HS3ST3A1: variants seen among roughly 807,000 people sequenced by gnomAD.
HS3ST3A1 encodes heparan sulfate glucosamine 3-O-sulfotransferase 3A1.
In HS3ST3A1, 19 loss-of-function variants were observed where a neutral mutation model predicts 25.7. The ratio of observed to expected loss-of-function variants is 0.74; its 90% confidence interval spans 0.52 to 1.08. HS3ST3A1 has a LOEUF of 1.08. Ranked by LOEUF, HS3ST3A1 falls within the 50% of genes least tolerant of loss-of-function variation. HS3ST3A1 has a pLI of 0.00. For synonymous variants in HS3ST3A1, 226 were observed against 278.6 expected (o/e 0.81, Z 1.88); for missense variants, 459 against 594.3 (o/e 0.77, Z 2.37).
chr17:13,496,859 A>G (rs1905301197), intron 1 of HS3ST3A1, 41 bp from the exon 2 acceptor site: 2 of 1,590,826 alleles, frequency 1.3e-6, no homozygotes, highest in Non-Finnish European at 1.7e-6. Flanking sequence ...GTGCAGAGAG[A>G]GCTCAGTCCC....
chr17:13,554,843 C>G (rs1907329785), intron 1 of HS3ST3A1, among the ~76,000 whole-genome samples: 1 of 152,090 alleles, frequency 6.6e-6, no homozygotes, highest in Non-Finnish European at 1.5e-5. Context: ...AAGTCTAGTA[C>G]CTTATTATCT....
At position 13,557,085 on chromosome 17, in the gene HS3ST3A1, A is replaced by G. The variant is rs552630379; in HGVS notation, c.599+43446T>C. Reference sequence around the variant, plus strand: ...AACAAATGAGAACAACAAACTTCCAACAAACAAAAGGATACATACAAAGCA... The same window carrying G: ...AACAAATGAGAACAACAAACTTCCAGCAAACAAAAGGATACATACAAAGCA... On this transcript the variant is annotated intron_variant, in intron 1 of 1. Transcript: ENST00000284110. Among the ~76,000 whole-genome samples the G allele has an allele frequency of 2.0e-5, 3 of 152,304 alleles. No homozygotes were observed. In the East Asian group the frequency reaches 5.8e-4, roughly 29 times the overall value.
At chr17:13,571,058 A>G (rs1271870947) in intron 1 of HS3ST3A1, among the ~76,000 whole-genome samples, 1 of 152,208 alleles carries the variant, frequency 6.6e-6, no homozygotes, top group Non-Finnish European at 1.5e-5. Flanking sequence ...CAATTGTGCT[A>G]TCAGCCCATA....
At chr17:13,581,210 T>C (rs1908102838) in intron 1 of HS3ST3A1, among the ~76,000 whole-genome samples, 1 of 152,180 alleles carries the variant, frequency 6.6e-6, no homozygotes, top group African/African-American at 2.4e-5. Context: ...ATGTGCTATA[T>C]ACACATAATA....
intron 1 of HS3ST3A1, among the ~76,000 whole-genome samples, chr17:13,512,320 A>T (rs964485478): frequency 1.3e-5 from 2 of 151,020 alleles, no homozygotes; most frequent in Non-Finnish European, 2.9e-5. Context: ...AAAAAAAAAA[A>T]AAAAAAACTG....
chr17:13,566,835 T>C (rs1035404002), intron 1 of HS3ST3A1, among the ~76,000 whole-genome samples: 9 of 152,082 alleles, frequency 5.9e-5, no homozygotes, highest in African/African-American at 1.9e-4. Context: ...GTCTAGTTCA[T>C]GGGGTTTAAA....
At chr17:13,522,219 C>A in intron 1 of HS3ST3A1, among the ~76,000 whole-genome samples, 1 of 143,266 alleles carries the variant, frequency 7.0e-6, no homozygotes. Flanking sequence ...AGATAAATAA[C>A]ATGGATTATG....
At chr17:13,594,811 T>C (rs1403317119) in intron 1 of HS3ST3A1, among the ~76,000 whole-genome samples, 1 of 150,318 alleles carries the variant, frequency 6.7e-6, no homozygotes, top group Non-Finnish European at 1.5e-5. Flanking sequence ...AGACAGATCA[T>C]CTTGCTATAA....
chr17:13,574,189 AG>A (rs2142375792), intron 1 of HS3ST3A1, among the ~76,000 whole-genome samples: 1 of 147,430 alleles, frequency 6.8e-6, no homozygotes, highest in South Asian at 2.2e-4. Flanking sequence ...GCTGGAGTAC[AG>A]TGGCGCGATC....
chr17:13,578,393 C>CAAAAAAAAA (rs397960321), intron 1 of HS3ST3A1, among the ~76,000 whole-genome samples: 7 of 94,908 alleles, frequency 7.4e-5, no homozygotes, highest in Non-Finnish European at 1.3e-4. Flanking sequence ...TACAAAAATA[C>CAAAAAAAAA]AAAAAAAAAA....
chr17:13,571,438 G>A (rs1188156523), intron 1 of HS3ST3A1, among the ~76,000 whole-genome samples: 2 of 152,086 alleles, frequency 1.3e-5, no homozygotes, highest in African/African-American at 2.4e-5. Flanking sequence ...ACGCTTTGAC[G>A]ACTGCAGGAA....
At chr17:13,573,879 C>T (rs1160850016) in intron 1 of HS3ST3A1, among the ~76,000 whole-genome samples, 1 of 152,198 alleles carries the variant, frequency 6.6e-6, no homozygotes, top group Non-Finnish European at 1.5e-5. Context: ...TCTGCTCTCT[C>T]TGATATGTGA....
At chr17:13,572,370 C>G (rs770967000) in intron 1 of HS3ST3A1, among the ~76,000 whole-genome samples, 53 of 152,152 alleles carry the variant, frequency 3.5e-4, no homozygotes, top group Middle Eastern at 3.4e-3. Flanking sequence ...TCCTTTCCAT[C>G]CTAGGGGGTG....
rs180987826 is a variant in HS3ST3A1, at chr17:13,598,266, T to G, written c.599+2265A>C. ...TTAAGTGGCATTCTGGGTGGGAGATTTTTTTTTCATAGACGAGCCTTCAGT... is the reference window on the plus strand; with the variant it reads ...TTAAGTGGCATTCTGGGTGGGAGATGTTTTTTTCATAGACGAGCCTTCAGT... On this transcript the variant is annotated intron_variant, in intron 1 of 1. Transcript: ENST00000284110. Among the ~76,000 whole-genome samples, 607 of 152,106 alleles carry G rather than the reference T, an allele frequency of 4.0e-3. 5 individuals are homozygous for G. Among genetic ancestry groups the G allele is most frequent in the African/African-American group, 0.014 (583 of 41,522 alleles).
chr17:13,552,684 A>T (rs1907276365), intron 1 of HS3ST3A1, among the ~76,000 whole-genome samples: 2 of 152,184 alleles, frequency 1.3e-5, no homozygotes, highest in South Asian at 4.1e-4. Flanking sequence ...ACCCAAAATG[A>T]TTAACTGTTT....
At chr17:13,531,379 A>G (rs1371638026) in intron 1 of HS3ST3A1, among the ~76,000 whole-genome samples, 3 of 152,206 alleles carry the variant, frequency 2.0e-5, no homozygotes, top group Non-Finnish European at 4.4e-5. Flanking sequence ...AATGGCAGCT[A>G]TAATGGTGGA....
intron 1 of HS3ST3A1, among the ~76,000 whole-genome samples, chr17:13,524,422 TA>T (rs1906344815): frequency 6.6e-6 from 1 of 152,056 alleles, no homozygotes; most frequent in South Asian, 2.1e-4. Context: ...CACACCCGGC[TA>T]ATTTTTGTTT....
At chr17:13,512,598 G>T (rs78074276) in intron 1 of HS3ST3A1, among the ~76,000 whole-genome samples, 1 of 152,128 alleles carries the variant, frequency 6.6e-6, no homozygotes, top group Non-Finnish European at 1.5e-5. Flanking sequence ...ACTGGACTGG[G>T]TACTTGTGAC....
At chr17:13,534,249 T>C (rs974925274) in intron 1 of HS3ST3A1, among the ~76,000 whole-genome samples, 4 of 152,164 alleles carry the variant, frequency 2.6e-5, no homozygotes, top group African/African-American at 9.7e-5. Flanking sequence ...ATATTTAAGA[T>C]GCTTGGAACA....
Sources: gnomAD v4.1 joint callset for allele counts (sites outside exome capture counted in the v4.1 genomes callset) on GRCh38, gnomAD v4.1.1 for gene constraint, MANE v1.5 for transcripts, NCBI Gene and HGNC (gene_info 2026-07-23, HGNC 2026-07-21) for gene names.